The following KLF8 variants were observed in gnomAD, a reference collection of about 807,000 sequenced individuals.
KLF8 encodes the protein KLF transcription factor 8, also known as Krueppel-like factor 8.
KLF8 carries 10 observed loss-of-function variants against 18.2 expected under a neutral mutation model. The observed-to-expected ratio is 0.55, with a 90% CI of 0.34 to 0.93. The LOEUF (loss-of-function observed/expected upper bound fraction) is 0.93, where lower values mean the gene tolerates loss of function less well. Among genes scored for constraint, KLF8 ranks in the 40% least tolerant of loss-of-function variants. KLF8 has a pLI of 0.02. For synonymous variants in KLF8, 109 were observed against 97.3 expected, an observed-to-expected ratio of 1.12 and a Z score of -0.71; for missense variants, 264 against 277.9, an observed-to-expected ratio of 0.95 and a Z score of 0.36.
chrX:56,151,239 G>A, the KLF8 span, among the ~76,000 whole-genome samples: 22 of 111,493 alleles, frequency 2.0e-4, no homozygotes, highest in East Asian at 5.4e-3. Context: ...AGGCCCATTC[G>A]AAAGGTTTAA....
At chrX:56,160,851 A>C in the KLF8 span, among the ~76,000 whole-genome samples, 1 of 111,269 alleles carries the variant, frequency 9.0e-6, no homozygotes, top group African/African-American at 3.3e-5. Flanking sequence ...CCAATTTGCC[A>C]GTCTGTGTCT....
the KLF8 span, among the ~76,000 whole-genome samples, chrX:56,052,841 G>A: frequency 4.5e-5 from 5 of 111,634 alleles, 1 homozygote; most frequent in African/African-American, 1.3e-4. Flanking sequence ...TCAAGCCTGG[G>A]CAATGGCGGG....
the KLF8 span, among the ~76,000 whole-genome samples, chrX:55,933,991 GTTTA>G: frequency 6.2e-5 from 7 of 112,034 alleles, no homozygotes; most frequent in African/African-American, 2.3e-4. Context: ...TAAGATAAAT[GTTTA>G]TTTCAGAGTT....
chrX:56,269,008 A>G, intron 3 of KLF8: 1 of 272,609 alleles, frequency 3.7e-6, no homozygotes, highest in Non-Finnish European at 4.7e-6. Context: ...TCAATTCAAC[A>G]CACACACACA....
At chrX:56,238,672 A>G (rs1052396423) in intron 1 of KLF8, among the ~76,000 whole-genome samples, 1 of 111,692 alleles carries the variant, frequency 9.0e-6, no homozygotes, top group African/African-American at 3.3e-5. Context: ...CCCCTAGTCT[A>G]GATATTGAGA....
At chrX:56,115,193 T>C in the KLF8 span, among the ~76,000 whole-genome samples, 1 of 111,294 alleles carries the variant, frequency 9.0e-6, no homozygotes, top group Non-Finnish European at 1.9e-5. Flanking sequence ...GCAGGAGGAT[T>C]GTTTGAGCTC....
chrX:56,068,807 C>A, the KLF8 span, among the ~76,000 whole-genome samples: 2 of 111,307 alleles, frequency 1.8e-5, no homozygotes, highest in African/African-American at 6.5e-5. Flanking sequence ...CATGTTGTCC[C>A]ATGAAACATC....
chrX:56,133,008 T>C, the KLF8 span, among the ~76,000 whole-genome samples: 1 of 110,889 alleles, frequency 9.0e-6, no homozygotes, highest in Non-Finnish European at 1.9e-5. Context: ...AGCAGTGAGA[T>C]TGAAATGGTA....
chrX:56,051,012 C>G, the KLF8 span, among the ~76,000 whole-genome samples: 1 of 109,859 alleles, frequency 9.1e-6, no homozygotes, highest in African/African-American at 3.3e-5. Context: ...GATCCCTTTA[C>G]CATTATGTAA....
the KLF8 span, among the ~76,000 whole-genome samples, chrX:56,131,700 A>G: frequency 8.9e-6 from 1 of 112,066 alleles, no homozygotes; most frequent in African/African-American, 3.2e-5. Flanking sequence ...TGCAGAATAG[A>G]TAAGAATTCA....
At chrX:56,141,110 C>T in the KLF8 span, among the ~76,000 whole-genome samples, 1 of 111,434 alleles carries the variant, frequency 9.0e-6, no homozygotes. Context: ...ACCACAGGCG[C>T]ATGCCCCTAC....
chrX:56,277,521 T>C (rs2067138504), intron 5 of KLF8, among the ~76,000 whole-genome samples: 2 of 112,247 alleles, frequency 1.8e-5, no homozygotes, highest in East Asian at 5.6e-4. Flanking sequence ...TCTCTCTCTG[T>C]TCTGAGCCAC....
the KLF8 span, among the ~76,000 whole-genome samples, chrX:55,991,499 C>A: frequency 3.6e-5 from 4 of 111,672 alleles, no homozygotes; most frequent in African/African-American, 1.3e-4. Flanking sequence ...CGGTGCACTG[C>A]AACCACTGTC....
chrX:56,253,945 G>A (rs1388475912), intron 2 of KLF8, among the ~76,000 whole-genome samples: 1 of 75,836 alleles, frequency 1.3e-5, no homozygotes, highest in East Asian at 3.6e-4. Context: ...TTTTTTTTTT[G>A]GCAGAGACGG....
rs2067304630 is a variant in KLF8 at position 56,289,793 on chromosome X, A to T, written c.*5299A>T. Among the ~76,000 whole-genome samples the T allele has an allele frequency of 8.9e-6, 1 of 111,870 alleles. No homozygotes were observed. The highest frequency in any genetic ancestry group is 3.3e-5 in the African/African-American group (1 of 30,740). On this transcript the variant is annotated 3_prime_UTR_variant, in exon 6 of 6. Transcript: ENST00000468660. ...ATCAACTACAGCACAGTGTGTATGT[A>T]CATAAAAATAGTAATATTTTTAGAA...
At chrX:56,226,446 A>G in the KLF8 span, among the ~76,000 whole-genome samples, 47 of 111,994 alleles carry the variant, frequency 4.2e-4, no homozygotes, top group Non-Finnish European at 7.5e-4. Context: ...CTCTCCATAA[A>G]TAGAAGGTAA....
the KLF8 span, among the ~76,000 whole-genome samples, chrX:56,205,151 G>C: frequency 9.0e-6 from 1 of 110,844 alleles, no homozygotes; most frequent in Non-Finnish European, 1.9e-5. Context: ...CAATTCTCCT[G>C]TCAAAAAAAA....
At chrX:56,085,602 G>T in the KLF8 span, among the ~76,000 whole-genome samples, 1,136 of 112,066 alleles carry the variant, frequency 0.01, 7 homozygotes, top group Non-Finnish European at 0.018. Flanking sequence ...ATCTCTTCTA[G>T]AAACGTACTT....
chrX:55,988,594 G>A, the KLF8 span, among the ~76,000 whole-genome samples: 1 of 111,542 alleles, frequency 9.0e-6, no homozygotes, highest in African/African-American at 3.3e-5. Flanking sequence ...ATGCTGTTTT[G>A]GTTACTGTAG....
Sources: allele counts gnomAD v4.1 joint callset (sites outside exome capture counted in the v4.1 genomes callset), GRCh38; gene constraint gnomAD v4.1.1; transcripts MANE v1.5; gene names NCBI Gene and HGNC (gene_info 2026-07-23, HGNC 2026-07-21).